The following WDR3 variants were observed in gnomAD, a reference collection of about 807,000 sequenced individuals.
WDR3 encodes the protein WD repeat domain 3, also known as WD repeat-containing protein 3.
In WDR3, 81 loss-of-function variants were observed where a neutral mutation model predicts 123.7. The ratio of observed to expected loss-of-function variants is 0.65; its 90% confidence interval spans 0.55 to 0.79. The LOEUF (loss-of-function observed/expected upper bound fraction) is 0.79. WDR3 is among the 30% of genes least tolerant of loss of function. WDR3 has a pLI of 0.00. For missense variants in WDR3, 1,027 were observed against 1,123.2 expected, an observed-to-expected ratio of 0.91 and a Z score of 1.22; for synonymous variants, 390 against 388.8, an observed-to-expected ratio of 1.00 and a Z score of -0.04.
rs757449167 is a variant in WDR3 at position 117,941,118 on chromosome 1, C to G, written c.790-6C>G. ...TAACCTTCATCTGCTCTTGCTTCTT[C>G]TGTAGCGAATCCTTTCATGCAGAAA... is the stretch of plus-strand genomic sequence containing the variant. On this transcript the variant is annotated splice_polypyrimidine_tract_variant and splice_region_variant and intron_variant, in intron 7 of 26. Coordinates refer to ENST00000349139, the MANE Select transcript of WDR3 (RefSeq NM_006784.3). 2.7e-5 allele frequency: 43 copies of G among 1,613,906 alleles called. No homozygotes were observed. The highest frequency in any genetic ancestry group is 1.1e-5 in the Non-Finnish European group (13 of 1,179,988).
At chr1:117,942,765 T>G (rs1389050902) in intron 10 of WDR3, among the ~76,000 whole-genome samples, 1 of 152,126 alleles carries the variant, frequency 6.6e-6, no homozygotes, top group Admixed American at 6.6e-5. Context: ...TCATTTACTG[T>G]CTTTTCCTGC....
Position 117,959,280 on chromosome 1 carries a change from A to G in WDR3, c.2677-12A>G, listed in dbSNP as rs111304593. Reference sequence around the variant, plus strand: ...GAGAAAATTTTTTAATATTTCTTGTATTGCACTCCAGGATGTTATCGGCTT... The same window carrying G: ...GAGAAAATTTTTTAATATTTCTTGTGTTGCACTCCAGGATGTTATCGGCTT... On this transcript the variant is annotated splice_polypyrimidine_tract_variant and intron_variant, in intron 26 of 26. Coordinates refer to ENST00000349139, the MANE Select transcript of WDR3 (RefSeq NM_006784.3). 5.4e-5 allele frequency: 87 copies of G among 1,605,676 alleles called. 1 individual carries two copies. In the African/African-American group the frequency reaches 6.0e-4, roughly 11 times the overall value.
Position 117,943,461 on chromosome 1 carries a change from TG to T in WDR3, c.1165del (p.Val389TrpfsTer6). 1 of 1,614,126 alleles carries T rather than the reference TG, an allele frequency of 6.2e-7. No individual in the cohort carries two copies. The highest frequency in any genetic ancestry group is 8.5e-7 in the Non-Finnish European group (1 of 1,180,024). ...LKAVFLLQNNLVELYSLNPSL... is the reference protein window; with the variant it reads ...LKAVFLLQNNXVELYSLNPSL... ...GCTGTCTTCCTGCTGCAGAACAACC[TG>T]GTGGAATTGTATTCACTGAATCCAT... On this transcript the variant is annotated frameshift_variant, in exon 11 of 27. Coordinates refer to ENST00000349139, the MANE Select transcript of WDR3 (RefSeq NM_006784.3). LOFTEE classifies it high-confidence loss of function.
In WDR3 at chr1:117,965,312, C is replaced by T. The variant is rs1030096868; in HGVS notation, c.*5865C>T. On this transcript the variant is annotated 3_prime_UTR_variant, in exon 27 of 27. Coordinates refer to ENST00000349139, the MANE Select transcript of WDR3 (RefSeq NM_006784.3). ...TTTCTAATTGCTGCTTTTGTCTCCA[C>T]TGGCTCTTCTTCCTCCTGCTCCCTA... 6.6e-6 allele frequency: 1 copy of T among 152,256 alleles called. No homozygotes were observed. Among genetic ancestry groups the T allele is most frequent in the African/African-American group, 2.4e-5 (1 of 41,454 alleles). The allele number at this position is 152,256 out of a possible 1,614,324, so 9.4% of individuals were successfully genotyped here.
chr1:117,931,264 T>C (rs183694559), intron 1 of WDR3, among the ~76,000 whole-genome samples: 44 of 152,356 alleles, frequency 2.9e-4, no homozygotes, highest in Non-Finnish European at 5.1e-4. Context: ...TACAATGTGC[T>C]AGAGGCTTTT....
At position 117,952,660 on chromosome 1, in the gene WDR3, A is replaced by T; in HGVS notation, c.2149A>T (p.Met717Leu). Residue 717 changes from methionine to leucine, a missense_variant and splice_region_variant, in exon 19 of 27, where the codon ATG becomes TTG. Physicochemically the swap from Met to Leu is conservative, Grantham distance 15. Coordinates refer to ENST00000349139, the MANE Select transcript of WDR3 (RefSeq NM_006784.3). ...EPLILEEERE[M>L]EREAEYEESV... ...TCTTATTCTTGAGGAAGAAAGGGAG[A>T]TGGTAAGAACTTTAGGCTTGGTTAC... The T allele has an allele frequency of 1.2e-6, 2 of 1,611,912 alleles. No homozygotes were observed. Among genetic ancestry groups the T allele is most frequent in the Non-Finnish European group, 1.7e-6 (2 of 1,179,104 alleles).
intron 15 of WDR3, 67 bp from the exon 16 acceptor site, chr1:117,950,767 A>C: frequency 7.7e-7 from 1 of 1,292,998 alleles, no homozygotes; most frequent in Non-Finnish European, 1.1e-6. Context: ...TATATTTTAG[A>C]CCTACATGTA....
At chr1:117,948,562 C>T in intron 13 of WDR3, 56 bp downstream of exon 13, 6 of 1,297,696 alleles carry the variant, frequency 4.6e-6, no homozygotes, top group Middle Eastern at 2.3e-4. Context: ...ACCCTGATTT[C>T]TCTCAGGGTT....
intron 11 of WDR3, 109 bp from the exon 12 acceptor site, chr1:117,945,977 A>T: frequency 1.5e-6 from 1 of 652,954 alleles, no homozygotes; most frequent in African/African-American, 1.9e-5. Flanking sequence ...TAAGACTTTT[A>T]TCTTCTTTTA....
intron 25 of WDR3, among the ~76,000 whole-genome samples, chr1:117,957,918 T>C (rs1168385556): frequency 3.3e-5 from 5 of 152,226 alleles, no homozygotes; most frequent in African/African-American, 1.2e-4. Flanking sequence ...GGGGCATATA[T>C]AGAGGTAAAC....
intron 19 of WDR3, 116 bp from the exon 20 acceptor site, chr1:117,952,830 A>G (rs1651680347): frequency 7.0e-6 from 10 of 1,435,012 alleles, no homozygotes; most frequent in Non-Finnish European, 9.5e-6. Context: ...AGGCAGAGAT[A>G]AAGATGCCAT....
chr1:117,960,604 C>G lies in WDR3; in HGVS notation c.*1157C>G. 6.6e-6 allele frequency: 1 copy of G among 152,306 alleles called. No individual in the cohort carries two copies. The highest frequency in any genetic ancestry group is 1.5e-5 in the Non-Finnish European group (1 of 68,034). 9.4% of individuals were successfully genotyped at this position (152,306 alleles called of 1,614,324 possible). A position where few individuals can be genotyped will look rare whatever the true frequency, so the allele number is the denominator to read the frequency against. On this transcript the variant is annotated 3_prime_UTR_variant, in exon 27 of 27. Transcript: ENST00000349139. ...CAGTTTACTGGGGCGATGAGTTGTT[C>G]ATGCACAGGTGATTAGTGTCACAGC...
intron 4 of WDR3, among the ~76,000 whole-genome samples, chr1:117,937,305 A>G (rs1650978891): frequency 6.6e-6 from 1 of 152,214 alleles, no homozygotes; most frequent in Non-Finnish European, 1.5e-5. Flanking sequence ...ACCTATTAGG[A>G]TGAACCATTT....
chr1:117,942,465 G>C lies in WDR3; in HGVS notation c.1018G>C (p.Asp340His). 1 of 1,613,994 alleles carries C rather than the reference G, an allele frequency of 6.2e-7. No individual in the cohort carries two copies. Among genetic ancestry groups the C allele is most frequent in the Non-Finnish European group, 8.5e-7 (1 of 1,179,914 alleles). ...KLHSSKGEEE[D>H]PEVNVEMSLQ... Reference sequence around the variant, plus strand: ...ACATTCTAGCAAAGGAGAGGAGGAAGATCCTGAGGTTAATGTTGAAATGAG... The same window carrying C: ...ACATTCTAGCAAAGGAGAGGAGGAACATCCTGAGGTTAATGTTGAAATGAG... The change falls in exon 10 of 27, where the codon GAT (aspartate) becomes CAT (histidine). Residue 340 changes from aspartate to histidine, a missense_variant. By Grantham distance (81) the Asp-to-His change is moderately conservative (BLOSUM62 -1). Coordinates refer to ENST00000349139, the MANE Select transcript of WDR3 (RefSeq NM_006784.3).
chr1:117,948,909 C>T (rs761798413), intron 13 of WDR3, among the ~76,000 whole-genome samples: 1 of 152,100 alleles, frequency 6.6e-6, no homozygotes, highest in Non-Finnish European at 1.5e-5. Context: ...TAAATATGTG[C>T]TCACCTTCAG....
In WDR3 at chr1:117,952,028, G is replaced by A; in HGVS notation, c.1856G>A (p.Gly619Asp). ...GSADRNVKIWGLDFGDCHKSL... is the reference protein window; with the variant it reads ...GSADRNVKIWDLDFGDCHKSL... The stretch of plus-strand genomic sequence containing the variant: ...GCTGATAGGAATGTGAAAATCTGGG[G>A]TTTGGACTTTGGGGACTGCCACAAG... The change falls in exon 17 of 27, where the codon GGT (glycine) becomes GAT (aspartate). Residue 619 changes from glycine (G) to aspartate (D), a missense_variant. Coordinates refer to ENST00000349139, the MANE Select transcript of WDR3 (RefSeq NM_006784.3). The A allele has an allele frequency of 1.2e-6, 2 of 1,613,486 alleles. No homozygotes were observed. The highest frequency in any genetic ancestry group is 1.7e-6 in the Non-Finnish European group (2 of 1,179,494).
chr1:117,942,647 G>T, intron 10 of WDR3, 103 bp downstream of exon 10: 1 of 1,010,644 alleles, frequency 9.9e-7, no homozygotes, highest in East Asian at 2.6e-5. Flanking sequence ...TTATATATGT[G>T]GAGACGGTGG....
intron 3 of WDR3, among the ~76,000 whole-genome samples, chr1:117,935,776 A>G (rs182395000): frequency 2.6e-5 from 4 of 152,168 alleles, no homozygotes; most frequent in Admixed American, 6.5e-5. Context: ...GAAATAAATT[A>G]AAAAAGGAAA....
intron 25 of WDR3, among the ~76,000 whole-genome samples, chr1:117,958,024 G>A (rs1652473224): frequency 6.6e-6 from 1 of 152,202 alleles, no homozygotes; most frequent in African/African-American, 2.4e-5. Flanking sequence ...ACAAAGGCTT[G>A]ATATTCTTCT....
Sources: allele counts gnomAD v4.1 joint callset (sites outside exome capture counted in the v4.1 genomes callset), GRCh38; gene constraint gnomAD v4.1.1; transcripts MANE v1.5; gene names NCBI Gene and HGNC (gene_info 2026-07-23, HGNC 2026-07-21).